FBXW8: variants seen among roughly 807,000 people sequenced by gnomAD.
FBXW8 encodes the protein F-box and WD repeat domain containing 8.
A neutral mutation model predicts 65.3 loss-of-function variants in FBXW8; 57 were observed. The ratio of observed to expected loss-of-function variants is 0.87; its 90% CI spans 0.71 to 1.09. The LOEUF (loss-of-function observed/expected upper bound fraction) is 1.09. Among genes scored for constraint, FBXW8 ranks in the 50% least tolerant of loss-of-function variants. The pLI is 0.00. For missense variants in FBXW8, 777 were observed against 814.8 expected (o/e 0.95, Z 0.57); for synonymous variants, 308 against 330.2 (o/e 0.93, Z 0.73).
intron 7 of FBXW8, chr12:117,002,697 A>T (rs1953561231): frequency 6.6e-6 from 1 of 152,178 alleles, no homozygotes; most frequent in Non-Finnish European, 1.5e-5. Flanking sequence ...TATCGGAGTA[A>T]ACTGCTTTTA....
chr12:116,983,701 G>A (rs1885469439), intron 5 of FBXW8, among the ~76,000 whole-genome samples: 1 of 152,216 alleles, frequency 6.6e-6, no homozygotes, highest in African/African-American at 2.4e-5. Context: ...GGAAGTTATA[G>A]GAAATAGGGC....
At chr12:117,014,471 C>T (rs73399502) in intron 8 of FBXW8, among the ~76,000 whole-genome samples, 7,213 of 152,162 alleles carry the variant, frequency 0.047, 417 homozygotes, top group African/African-American at 0.14. Context: ...CACATTTTCC[C>T]GTTTGGCTTT....
chr12:117,027,593 T>C, intron 10 of FBXW8, 89 bp downstream of exon 10: 1 of 974,576 alleles, frequency 1.0e-6, no homozygotes, highest in Non-Finnish European at 1.6e-6. Flanking sequence ...CATTGCACCC[T>C]ATGGGCTATA....
intron 1 of FBXW8, among the ~76,000 whole-genome samples, chr12:116,914,983 G>GTT (rs946018775): frequency 6.6e-6 from 1 of 152,216 alleles, no homozygotes; most frequent in African/African-American, 2.4e-5. Context: ...TGTCTTAAGG[G>GTT]TTTAGAGACA....
At chr12:117,016,074 A>G (rs914875137) in intron 8 of FBXW8, among the ~76,000 whole-genome samples, 7 of 152,204 alleles carry the variant, frequency 4.6e-5, no homozygotes, top group Admixed American at 3.3e-4. Flanking sequence ...CTTTATATCA[A>G]TTAGTGGACA....
intron 5 of FBXW8, among the ~76,000 whole-genome samples, chr12:116,972,105 T>G (rs998566684): frequency 2.0e-5 from 3 of 152,240 alleles, no homozygotes; most frequent in Non-Finnish European, 2.9e-5. Flanking sequence ...CTCTTTTGGT[T>G]TCTTGGAGGT....
chr12:116,962,447 G>A (rs539597016), intron 4 of FBXW8, among the ~76,000 whole-genome samples: 92 of 152,166 alleles, frequency 6.0e-4, no homozygotes, highest in Non-Finnish European at 9.6e-4. Context: ...CACCTAAACC[G>A]TCTTTCCTCT....
In FBXW8 at chr12:116,930,608, T is replaced by A. The variant is rs189646388; in HGVS notation, c.423+2481T>A. Among the ~76,000 whole-genome samples the A allele has an allele frequency of 3.2e-3, 488 of 152,328 alleles. 4 individuals carry two copies. The highest frequency in any genetic ancestry group is 6.9e-3 in the Admixed American group (105 of 15,294). ...TCTTTTATAGGTTGTCTCTGTATTC[T>A]GTTGATTGTTTCCTTTGCTGTACAA... On this transcript the variant is annotated intron_variant, in intron 2 of 10. Coordinates refer to ENST00000652555, the MANE Select transcript of FBXW8 (RefSeq NM_153348.3).
chr12:116,964,866 C>A lies in FBXW8; in HGVS notation c.835+12C>A. On this transcript the variant is annotated intron_variant, in intron 5 of 10. Coordinates refer to ENST00000652555, the MANE Select transcript of FBXW8 (RefSeq NM_153348.3). The stretch of plus-strand genomic sequence containing the variant: ...AGCTTATGAGGATGGTAAGTAACCA[C>A]AACCCTCCTCCCTATTAAGGAAAAA... The A allele has an allele frequency of 6.3e-7, 1 of 1,577,598 alleles. No individual in the cohort carries two copies. Among genetic ancestry groups the A allele is most frequent in the South Asian group, 1.2e-5 (1 of 85,594 alleles).
intron 5 of FBXW8, among the ~76,000 whole-genome samples, chr12:116,983,008 C>A (rs904300549): frequency 2.0e-5 from 3 of 152,148 alleles, no homozygotes; most frequent in Non-Finnish European, 4.4e-5. Flanking sequence ...TTTAACCGCT[C>A]GGTGCTTCTG....
intron 1 of FBXW8, among the ~76,000 whole-genome samples, chr12:116,926,997 T>A (rs1315725268): frequency 6.6e-6 from 1 of 152,108 alleles, no homozygotes; most frequent in Non-Finnish European, 1.5e-5. Flanking sequence ...TGTATTTGAG[T>A]GGTGAATTAA....
chr12:116,988,587 T>C, intron 6 of FBXW8, 76 bp from the exon 7 acceptor site: 2 of 1,280,114 alleles, frequency 1.6e-6, no homozygotes, highest in East Asian at 2.3e-5. Context: ...TTCTCATTGA[T>C]GTGTAGGTGG....
intron 1 of FBXW8, among the ~76,000 whole-genome samples, chr12:116,926,414 G>A (rs1378949333): frequency 1.3e-5 from 2 of 152,206 alleles, no homozygotes; most frequent in Non-Finnish European, 2.9e-5. Context: ...GATTGCAAAT[G>A]AAAGTTTCTT....
At chr12:116,913,743 C>G (rs987936083) in intron 1 of FBXW8, among the ~76,000 whole-genome samples, 1 of 152,104 alleles carries the variant, frequency 6.6e-6, no homozygotes, top group Non-Finnish European at 1.5e-5. Flanking sequence ...TGGACCCACG[C>G]GGTTCAAACC....
intron 4 of FBXW8, chr12:116,949,930 T>G: frequency 1.9e-6 from 1 of 516,924 alleles, no homozygotes; most frequent in Non-Finnish European, 3.5e-6. Flanking sequence ...TGTGATCCAT[T>G]TGTCTCAATA....
At chr12:117,021,438 C>CTTTT (rs1954093237) in intron 8 of FBXW8, among the ~76,000 whole-genome samples, 1 of 152,118 alleles carries the variant, frequency 6.6e-6, no homozygotes, top group Non-Finnish European at 1.5e-5. Context: ...AAGTTAAACC[C>CTTTT]TTTTTTCACC....
intron 8 of FBXW8, among the ~76,000 whole-genome samples, chr12:117,012,333 C>T (rs1396373322): frequency 6.6e-6 from 1 of 152,058 alleles, no homozygotes; most frequent in Non-Finnish European, 1.5e-5. Flanking sequence ...AAAGAACAGA[C>T]TAGTGACTTA....
chr12:116,976,387 A>T (rs1022946556), intron 5 of FBXW8, among the ~76,000 whole-genome samples: 3 of 89,836 alleles, frequency 3.3e-5, no homozygotes, highest in Non-Finnish European at 2.4e-5. Flanking sequence ...CCTTTTCTTT[A>T]AAAAAAAAAA....
chr12:116,935,934 A>C lies in FBXW8; in HGVS notation c.423+7807A>C, dbSNP rs189488406. On this transcript the variant is annotated intron_variant, in intron 2 of 10. Transcript: ENST00000652555. The stretch of plus-strand genomic sequence containing the variant: ...ACACTTTTATCTCATTTGGTTATTT[A>C]TATAGAGCTGACTATGTATGTGCGA... Among the ~76,000 whole-genome samples, 357 of 152,348 alleles carry C rather than the reference A, an allele frequency of 2.3e-3. 3 individuals carry two copies. The highest frequency in any genetic ancestry group is 8.2e-3 in the African/African-American group (339 of 41,566).
Sources: allele counts gnomAD v4.1 joint callset (sites outside exome capture counted in the v4.1 genomes callset), GRCh38; gene constraint gnomAD v4.1.1; transcripts MANE v1.5; gene names NCBI Gene and HGNC (gene_info 2026-07-23, HGNC 2026-07-21).